SPPL2A: variants seen among roughly 807,000 people sequenced by gnomAD.
The protein encoded by SPPL2A is signal peptide peptidase like 2A.
Under a neutral mutation model 63.8 loss-of-function variants are expected in SPPL2A, and 51 were observed. That is an observed-to-expected ratio of 0.80 (90% CI 0.64 to 1.01). SPPL2A has a LOEUF of 1.01. SPPL2A is among the 50% of genes least tolerant of loss of function. SPPL2A has a pLI of 0.00. For synonymous variants in SPPL2A, 188 were observed against 205.8 expected (o/e 0.91, Z 0.74); for missense variants, 553 against 622.7 (o/e 0.89, Z 1.19).
chr15:50,717,471 C>T (rs2062606814), intron 14 of SPPL2A, among the ~76,000 whole-genome samples: 1 of 152,134 alleles, frequency 6.6e-6, no homozygotes, highest in Admixed American at 6.6e-5. Flanking sequence ...CCATGTCTGG[C>T]CTTCTATCAC....
At position 50,705,311 on chromosome 15, in the gene SPPL2A, G is replaced by A. The variant is rs1285519988; in HGVS notation, c.*2489C>T. 6.7e-6 allele frequency: 1 copy of A among 148,734 alleles called. No individual in the cohort carries two copies. Among genetic ancestry groups the A allele is most frequent in the Admixed American group, 6.8e-5 (1 of 14,648 alleles). The allele number at this position is 148,734 out of a possible 1,614,324, so 9.2% of individuals were successfully genotyped here. On this transcript the variant is annotated 3_prime_UTR_variant, in exon 15 of 15. Coordinates refer to ENST00000261854, the MANE Select transcript of SPPL2A (RefSeq NM_032802.4). ...GCCAAGATCTTGCTACTGCACTCCAGCCTGGGTGACAGAGGGAGACTCCAT... is the reference window on the plus strand; with the variant it reads ...GCCAAGATCTTGCTACTGCACTCCAACCTGGGTGACAGAGGGAGACTCCAT...
chr15:50,724,068 T>C (rs968687067), intron 12 of SPPL2A, among the ~76,000 whole-genome samples: 1 of 152,230 alleles, frequency 6.6e-6, no homozygotes, highest in Admixed American at 6.5e-5. Flanking sequence ...TTTAATGATA[T>C]TCAAAGAAGT....
At chr15:50,744,729 T>G (rs1437451007) in intron 5 of SPPL2A, among the ~76,000 whole-genome samples, 1 of 152,230 alleles carries the variant, frequency 6.6e-6, no homozygotes, top group Non-Finnish European at 1.5e-5. Flanking sequence ...CATTTGAGTC[T>G]TTTTGTTTAA....
chr15:50,718,265 C>A (rs1338967509), intron 14 of SPPL2A, among the ~76,000 whole-genome samples: 1 of 152,138 alleles, frequency 6.6e-6, no homozygotes, highest in African/African-American at 2.4e-5. Context: ...GCATGAGCCA[C>A]CGCGACCGGC....
Position 50,736,682 on chromosome 15 carries a change from A to T in SPPL2A, c.792T>A (p.Leu264=), listed in dbSNP as rs912378481. 24 of 1,610,342 alleles carry T rather than the reference A, an allele frequency of 1.5e-5. No homozygotes were observed. The highest frequency in any genetic ancestry group is 2.0e-5 in the Non-Finnish European group (24 of 1,177,050). The change falls in exon 7 of 15, where the codon CTT becomes CTA. Residue 264 remains leucine, a synonymous_variant. Coordinates refer to ENST00000261854, the MANE Select transcript of SPPL2A (RefSeq NM_032802.4). ...ATGGTATCTTATGAATTAGTGCAGC[A>T]AGACAGTTGTACAGACTCATTGCTG... ...IASAMSLYNC[L]AALIHKIPYG...
At chr15:50,749,425 C>CT (rs756725307) in intron 2 of SPPL2A, among the ~76,000 whole-genome samples, 60 of 152,154 alleles carry the variant, frequency 3.9e-4, no homozygotes, top group South Asian at 1.0e-3. Context: ...GTAGCTGGGA[C>CT]TACAGGCGCC....
In SPPL2A at chr15:50,765,463, C is replaced by A; in HGVS notation, c.66+5G>T. The A allele has an allele frequency of 6.7e-7, 1 of 1,502,508 alleles. No individual in the cohort carries two copies. 93.1% of individuals were successfully genotyped at this position (1,502,508 alleles called of 1,614,324 possible). On this transcript the variant is annotated splice_donor_5th_base_variant and intron_variant, in intron 1 of 14. Coordinates refer to ENST00000261854, the MANE Select transcript of SPPL2A (RefSeq NM_032802.4). Reference sequence around the variant, plus strand: ...GGAGGCCTGCGCGCCTTCCCGCCCCCTTACCAGCTGGAGCAGGAAGCCCCA... The same window carrying A: ...GGAGGCCTGCGCGCCTTCCCGCCCCATTACCAGCTGGAGCAGGAAGCCCCA...
In SPPL2A at chr15:50,706,223, C is replaced by T. The variant is rs890189293; in HGVS notation, c.*1577G>A. On this transcript the variant is annotated 3_prime_UTR_variant, in exon 15 of 15. Transcript: ENST00000261854. ...CGGCTAAAACGGTGAAACCCCGTCT[C>T]TACTAAAACTACAAAAAATAGCCGG... 2 of 151,278 alleles carry T rather than the reference C, an allele frequency of 1.3e-5. No homozygotes were observed. Among genetic ancestry groups the T allele is most frequent in the Admixed American group, 6.6e-5 (1 of 15,150 alleles). 9.4% of individuals were successfully genotyped at this position (151,278 alleles called of 1,614,324 possible).
intron 1 of SPPL2A, among the ~76,000 whole-genome samples, chr15:50,764,902 A>G (rs549953409): frequency 2.2e-5 from 3 of 137,624 alleles, no homozygotes; most frequent in African/African-American, 8.4e-5. Flanking sequence ...CTGCTATTAA[A>G]ACCCCCCCTC....
At chr15:50,743,753 G>T (rs903336258) in intron 5 of SPPL2A, among the ~76,000 whole-genome samples, 5 of 152,142 alleles carry the variant, frequency 3.3e-5, no homozygotes. Context: ...AGTACAGTAA[G>T]AATCTATAAT....
At chr15:50,748,907 T>G in intron 2 of SPPL2A, 37 bp from the exon 3 acceptor site, 3 of 1,381,232 alleles carry the variant, frequency 2.2e-6, no homozygotes, top group Non-Finnish European at 3.0e-6. Flanking sequence ...ATGTTAAAAA[T>G]CTATTTCATC....
chr15:50,730,780 A>ATT (rs2062723964), intron 10 of SPPL2A, among the ~76,000 whole-genome samples, 185 bp downstream of exon 10: 1 of 152,258 alleles, frequency 6.6e-6, no homozygotes, highest in Non-Finnish European at 1.5e-5. Flanking sequence ...GTCAAGAGAC[A>ATT]TTTTAAAATC....
chr15:50,712,683 T>TCCA (rs1478400047), intron 14 of SPPL2A, among the ~76,000 whole-genome samples: 2 of 123,298 alleles, frequency 1.6e-5, no homozygotes, highest in Admixed American at 8.2e-5. Context: ...CCCCCCCTTT[T>TCCA]TTTTTTTTTT....
intron 6 of SPPL2A, among the ~76,000 whole-genome samples, chr15:50,739,270 C>A (rs2062798908): frequency 6.6e-6 from 1 of 151,366 alleles, no homozygotes. Context: ...ACTCCACCTC[C>A]CAGGTTCGAG....
Position 50,725,343 on chromosome 15 carries a change from A to C in SPPL2A, c.1147-20T>G. 8.1e-7 allele frequency: 1 copy of C among 1,233,930 alleles called. No homozygotes were observed. The highest frequency in any genetic ancestry group is 1.2e-6 in the Non-Finnish European group (1 of 859,034). The allele number at this position is 1,233,930 out of a possible 1,614,324, so 76.4% of individuals were successfully genotyped here. ...TGGCAACTGTTCAAAAACAAAACAA[A>C]ACAAAACAAAACAAAACAAAAAACA... On this transcript the variant is annotated intron_variant, in intron 11 of 14. Transcript: ENST00000261854.
rs1596370879 is a variant in SPPL2A, at chr15:50,704,309, T to C, written c.*3491A>G. The C allele has an allele frequency of 7.8e-6, 1 of 128,096 alleles. No individual in the cohort carries two copies. The highest frequency in any genetic ancestry group is 3.0e-5 in the African/African-American group (1 of 32,878). 7.9% of individuals were successfully genotyped at this position (128,096 alleles called of 1,614,324 possible). A position where few individuals can be genotyped will look rare whatever the true frequency, so the allele number is the denominator to read the frequency against. On this transcript the variant is annotated 3_prime_UTR_variant, in exon 15 of 15. Transcript: ENST00000261854. ...GTGAGCTGATATCATGCCATTGCAC[T>C]CCAGCCTGGGCAAAAAGAGCGAAAC...
intron 14 of SPPL2A, among the ~76,000 whole-genome samples, chr15:50,717,871 C>T (rs1267930351): frequency 1.3e-5 from 2 of 152,106 alleles, no homozygotes; most frequent in African/African-American, 4.8e-5. Context: ...ACTGGATATC[C>T]CATCTATAGT....
At chr15:50,721,477 C>T (rs1205124384) in intron 13 of SPPL2A, among the ~76,000 whole-genome samples, 1 of 151,452 alleles carries the variant, frequency 6.6e-6, no homozygotes, top group Non-Finnish European at 1.5e-5. Context: ...TTCGCCCAGG[C>T]TATAGTGAAG....
chr15:50,744,499 A>G (rs943957977), intron 5 of SPPL2A, among the ~76,000 whole-genome samples: 2 of 152,122 alleles, frequency 1.3e-5, no homozygotes, highest in African/African-American at 2.4e-5. Context: ...CTCTGGGCAC[A>G]TTTTTTTCAT....
Sources: gnomAD v4.1 joint callset for allele counts (sites outside exome capture counted in the v4.1 genomes callset) on GRCh38, gnomAD v4.1.1 for gene constraint, MANE v1.5 for transcripts, NCBI Gene and HGNC (gene_info 2026-07-23, HGNC 2026-07-21) for gene names.